Variants in ARG1 observed in about 807,000 individuals in gnomAD.
The protein encoded by ARG1 is arginase-1.
Under a neutral mutation model 33.0 loss-of-function variants are expected in ARG1, and 20 were observed. The ratio of observed to expected loss-of-function variants is 0.61; its 90% CI spans 0.43 to 0.88. The LOEUF (loss-of-function observed/expected upper bound fraction) is 0.88, where lower values mean the gene tolerates loss of function less well. ARG1 is among the 40% of genes least tolerant of loss of function. The pLI, the probability that ARG1 is intolerant of heterozygous loss-of-function variation, is 0.00. For missense variants in ARG1, 374 were observed against 384.7 expected (o/e 0.97, Z 0.23); for synonymous variants, 146 against 140.6 (o/e 1.04, Z -0.27).
intron 3 of ARG1, 42 bp downstream of exon 3, chr6:131,579,327 G>C (rs1375986890): frequency 6.2e-7 from 1 of 1,605,424 alleles, no homozygotes; most frequent in Non-Finnish European, 8.5e-7. Flanking sequence ...TGGCACAAAG[G>C]AAGTAACCAA....
At chr6:131,573,448 G>A in intron 1 of ARG1, 109 bp downstream of exon 1, 1 of 1,059,086 alleles carries the variant, frequency 9.4e-7, no homozygotes, top group Non-Finnish European at 1.5e-6. Context: ...GATACAATCT[G>A]GCCAGGAAAT....
At chr6:131,575,917 A>G (rs1773590010) in intron 1 of ARG1, among the ~76,000 whole-genome samples, 1 of 152,184 alleles carries the variant, frequency 6.6e-6, no homozygotes. Flanking sequence ...CTCCCAGATG[A>G]TGACTTTTTC....
intron 2 of ARG1, among the ~76,000 whole-genome samples, chr6:131,577,646 A>C (rs1773685457): frequency 6.6e-6 from 1 of 152,018 alleles, no homozygotes; most frequent in Non-Finnish European, 1.5e-5. Flanking sequence ...TGAGGCCTGT[A>C]ATCCTATCAC....
rs756392904 is a variant in ARG1 at position 131,583,703 on chromosome 6, C to T, written c.803-39C>T. ...GTCTGTACTACTTTCAAAATGTCAA[C>T]TATTTTATAAATTACATTATTACAA... On this transcript the variant is annotated intron_variant, in intron 7 of 7. Coordinates refer to ENST00000368087, the MANE Select transcript of ARG1 (RefSeq NM_000045.4). 3 of 1,599,538 alleles carry T rather than the reference C, an allele frequency of 1.9e-6. No individual in the cohort carries two copies. The Admixed American group carries it at 5.0e-5, about 27-fold the overall frequency.
In ARG1 at chr6:131,579,495, T is replaced by C; in HGVS notation, c.305+210T>C. 8.3e-6 allele frequency: 4 copies of C among 480,016 alleles called. No homozygotes were observed. The Admixed American group carries it at 1.5e-4, about 18-fold the overall frequency. The allele number at this position is 480,016 out of a possible 1,614,324, so 29.7% of individuals were successfully genotyped here. On this transcript the variant is annotated intron_variant, in intron 3 of 7. Transcript: ENST00000368087. ...GTCTTACAATATCTGTATTTTGACC[T>C]AGTACAGCAGAAAATGTATGAAATA...
chr6:131,581,579 A>G (rs1773929553), intron 4 of ARG1, among the ~76,000 whole-genome samples: 1 of 152,144 alleles, frequency 6.6e-6, no homozygotes, highest in Non-Finnish European at 1.5e-5. Context: ...CTTAATATAT[A>G]TTTTCTCTGC....
intron 2 of ARG1, among the ~76,000 whole-genome samples, chr6:131,577,436 C>T (rs1773673714): frequency 6.6e-6 from 1 of 152,092 alleles, no homozygotes; most frequent in Non-Finnish European, 1.5e-5. Flanking sequence ...AAGTACAAGT[C>T]TTTGTGTGGA....
At chr6:131,581,197 C>A (rs745875961) in intron 3 of ARG1, 22 bp from the exon 4 acceptor site, 11 of 1,613,450 alleles carry the variant, frequency 6.8e-6, no homozygotes, top group Non-Finnish European at 9.3e-6. Flanking sequence ...CTGATGTTCA[C>A]ACAAAATTTT....
intron 1 of ARG1, chr6:131,574,176 C>T: frequency 7.8e-7 from 1 of 1,280,254 alleles, no homozygotes; most frequent in Non-Finnish European, 1.1e-6. Context: ...AGAACAAAAT[C>T]AAACAAGACA....
At position 131,583,083 on chromosome 6, in the gene ARG1, T is replaced by C. The variant is rs936518459; in HGVS notation, c.584T>C (p.Ile195Thr). ...AGCTACATTTTGAAAACTCTAGGCA[T>C]TAAATACTTTTCAATGACTGAAGTG... Reference protein sequence around the residue: ...GEHYILKTLGIKYFSMTEVDR... With the variant: ...GEHYILKTLGTKYFSMTEVDR... The change falls in exon 6 of 8, where the codon ATT (isoleucine) becomes ACT (threonine). Residue 195 changes from isoleucine to threonine, a missense_variant. Transcript: ENST00000368087. 2 of 1,613,428 alleles carry C rather than the reference T, an allele frequency of 1.2e-6. No individual in the cohort carries two copies. The highest frequency in any genetic ancestry group is 2.7e-5 in the African/African-American group (2 of 74,872).
chr6:131,573,386 T>A (rs747646903), intron 1 of ARG1, 47 bp downstream of exon 1: 1 of 1,599,600 alleles, frequency 6.3e-7, no homozygotes, highest in East Asian at 2.2e-5. Flanking sequence ...TAGTTGAAAA[T>A]TTTGGACTTC....
Position 131,583,798 on chromosome 6 carries a change from GA to G in ARG1, c.861del (p.Glu288LysfsTer2). 6.2e-7 allele frequency: 1 copy of G among 1,614,102 alleles called. No homozygotes were observed. The highest frequency in any genetic ancestry group is 8.5e-7 in the Non-Finnish European group (1 of 1,179,994). On this transcript the variant is annotated frameshift_variant, in exon 8 of 8. Transcript: ENST00000368087. LOFTEE classifies it high-confidence loss of function. ...GAACCCATCCCTGGGGAAGACACCA[GA>G]AGAAGTAACTCGAACAGTGAACACA... is the stretch of plus-strand genomic sequence containing the variant. ...EVNPSLGKTP[E>X]EVTRTVNTAV... is the part of the protein sequence containing the mutation.
At chr6:131,576,628 T>C (rs747313511) in intron 1 of ARG1, 35 bp from the exon 2 acceptor site, 6 of 1,578,204 alleles carry the variant, frequency 3.8e-6, no homozygotes, top group Non-Finnish European at 5.2e-6. Context: ...ATGGTCATGA[T>C]AATGTCTGAA....
At position 131,573,295 on chromosome 6, in the gene ARG1, T is replaced by G. The variant is rs768343568; in HGVS notation, c.13T>G (p.Ser5Ala). 6.2e-7 allele frequency: 1 copy of G among 1,613,996 alleles called. No homozygotes were observed. Residue 5 changes from serine (S) to alanine (A), a missense_variant, in exon 1 of 8, where the codon TCC becomes GCC. Transcript: ENST00000368087. ...GAAGTGTCAGAGCATGAGCGCCAAG[T>G]CCAGAACCATAGGGATTATTGGAGC... The part of the protein sequence containing the change: MSAK[S>A]RTIGIIGAPF...
intron 3 of ARG1, among the ~76,000 whole-genome samples, chr6:131,580,434 T>C (rs890095936): frequency 1.3e-5 from 2 of 152,360 alleles, no homozygotes; most frequent in South Asian, 4.1e-4. Flanking sequence ...CTCTGAATGA[T>C]ACTTAAACAT....
chr6:131,580,418 A>G (rs1473820838), intron 3 of ARG1, among the ~76,000 whole-genome samples: 1 of 152,246 alleles, frequency 6.6e-6, no homozygotes, highest in Non-Finnish European at 1.5e-5. Flanking sequence ...CTAAAAGCTC[A>G]TGATTCTCTG....
In ARG1 at chr6:131,579,167, C is replaced by T. The variant is rs756825623; in HGVS notation, c.187C>T (p.Pro63Ser). Reference sequence around the variant, plus strand: ...CTTTGCTGACATCCCTAATGACAGTCCCTTTCAAATTGTGAAGAATCCAAG... The same window carrying T: ...CTTTGCTGACATCCCTAATGACAGTTCCTTTCAAATTGTGAAGAATCCAAG... ...LPFADIPNDS[P>S]FQIVKNPRSV... is the part of the protein sequence containing the mutation. Residue 63 changes from proline (P) to serine (S), a missense_variant, in exon 3 of 8, where the codon CCC (proline) becomes TCC (serine). Transcript: ENST00000368087. 1 of 1,614,136 alleles carries T rather than the reference C, an allele frequency of 6.2e-7. No individual in the cohort carries two copies. The highest frequency in any genetic ancestry group is 2.2e-5 in the East Asian group (1 of 44,892).
At chr6:131,582,986 TA>T in intron 5 of ARG1, 73 bp from the exon 6 acceptor site, 1 of 1,034,222 alleles carries the variant, frequency 9.7e-7, no homozygotes. Context: ...ACTATATTTA[TA>T]TTTCCCTTAA....
At chr6:131,574,099 A>G (rs1773498237) in intron 1 of ARG1, 2 of 697,790 alleles carry the variant, frequency 2.9e-6, no homozygotes, top group Non-Finnish European at 5.2e-6. Flanking sequence ...ATTCTAGTAA[A>G]GAGAGTGTGA....
Sources: allele counts gnomAD v4.1 joint callset (sites outside exome capture counted in the v4.1 genomes callset), GRCh38; gene constraint gnomAD v4.1.1; transcripts MANE v1.5; gene names NCBI Gene and HGNC (gene_info 2026-07-23, HGNC 2026-07-21).